PUSL1: variants seen among roughly 807,000 people sequenced by gnomAD.
PUSL1 encodes the protein pseudouridine synthase like 1.
In PUSL1, 51 loss-of-function variants were observed where a neutral mutation model predicts 30.7. The ratio of observed to expected loss-of-function variants is 1.66; its 90% confidence interval spans 1.33 to 2.10. PUSL1 has a LOEUF of 2.10. Ranked by LOEUF, PUSL1 falls within the 30% of genes most tolerant of loss-of-function variation. PUSL1 has a pLI of 0.00. For missense variants in PUSL1, 609 were observed against 427.6 expected, an observed-to-expected ratio of 1.42 and a Z score of -3.74; for synonymous variants, 290 against 192.1, an observed-to-expected ratio of 1.51 and a Z score of -4.21.
Position 1,308,905 on chromosome 1 carries a change from C to T in PUSL1, c.78-10C>T, listed in dbSNP as rs2100523004. 3 of 1,414,150 alleles carry T rather than the reference C, an allele frequency of 2.1e-6. No homozygotes were observed. The highest frequency in any genetic ancestry group is 3.3e-5 in the Admixed American group (1 of 30,376). The allele number at this position is 1,414,150 out of a possible 1,614,324, so 87.6% of individuals were successfully genotyped here. ...CGCCCCCGGTAACCTCCGCCCGCTT[C>T]TGCCCGCAGCGGGGTCGCGGCCGTC... is the stretch of plus-strand genomic sequence containing the variant. On this transcript the variant is annotated splice_polypyrimidine_tract_variant and intron_variant, in intron 1 of 7. Coordinates refer to ENST00000379031, the MANE Select transcript of PUSL1 (RefSeq NM_153339.3).
rs1641897408 is a variant in PUSL1, at chr1:1,308,629, C to T, written c.-15C>T. The T allele has an allele frequency of 2.7e-6, 4 of 1,495,118 alleles. No individual in the cohort carries two copies. The highest frequency in any genetic ancestry group is 2.3e-4 in the Middle Eastern group (1 of 4,316). 92.6% of individuals were successfully genotyped at this position (1,495,118 alleles called of 1,614,324 possible). On this transcript the variant is annotated 5_prime_UTR_variant, in exon 1 of 8. Coordinates refer to ENST00000379031, the MANE Select transcript of PUSL1 (RefSeq NM_153339.3). ...CGCTGGAGGCCGCCTCTGACGCCAC[C>T]GGCTGGGCTCCGCCATGAGTTCGGC...
rs1641970022 is a variant in PUSL1, at chr1:1,309,475, G to A, written c.345G>A (p.Val115=). The change falls in exon 4 of 8, where the codon GTG becomes GTA. Residue 115 remains valine, a synonymous_variant. Transcript: ENST00000379031. ...PAIRVLRAFR[V]PSDFHARHAA... is the part of the protein sequence containing the mutation. Reference sequence around the variant, plus strand: ...ATAGGGTCCTGCGGGCCTTCCGAGTGCCCAGCGACTTCCACGCTCGTCACG... The same window carrying A: ...ATAGGGTCCTGCGGGCCTTCCGAGTACCCAGCGACTTCCACGCTCGTCACG... The A allele has an allele frequency of 6.2e-7, 1 of 1,605,956 alleles. No individual in the cohort carries two copies. The highest frequency in any genetic ancestry group is 8.5e-7 in the Non-Finnish European group (1 of 1,176,872).
In PUSL1 at chr1:1,309,498, A is replaced by C; in HGVS notation, c.368A>C (p.His123Pro). 4 of 1,609,262 alleles carry C rather than the reference A, an allele frequency of 2.5e-6. No individual in the cohort carries two copies. The highest frequency in any genetic ancestry group is 2.5e-6 in the Non-Finnish European group (3 of 1,178,454). Residue 123 changes from histidine (H) to proline (P), a missense_variant, in exon 4 of 8, where the codon CAC becomes CCC. Physicochemically the swap from His to Pro is moderately conservative, Grantham distance 77. Transcript: ENST00000379031. ...GTGCCCAGCGACTTCCACGCTCGTC[A>C]CGCAGCCACGTCCCGGACCTACCTG... is the stretch of plus-strand genomic sequence containing the variant. ...FRVPSDFHAR[H>P]AATSRTYLYR...
Position 1,309,170 on chromosome 1 carries a change from A to C in PUSL1, c.220A>C (p.Asn74His), listed in dbSNP as rs1431652222. The change falls in exon 3 of 8, where the codon AAC becomes CAC. Residue 74 changes from asparagine to histidine, a missense_variant. Coordinates refer to ENST00000379031, the MANE Select transcript of PUSL1 (RefSeq NM_153339.3). ...RTDAGVHALSNAAHLDVQRRS... is the reference protein window; with the variant it reads ...RTDAGVHALSHAAHLDVQRRS... ...GGACGCCGGGGTCCACGCCCTGAGCAACGCGGCGCACCTGGACGTCCAGCG... is the reference window on the plus strand; with the variant it reads ...GGACGCCGGGGTCCACGCCCTGAGCCACGCGGCGCACCTGGACGTCCAGCG... 17 of 1,536,724 alleles carry C rather than the reference A, an allele frequency of 1.1e-5. No individual in the cohort carries two copies. Among genetic ancestry groups the C allele is most frequent in the Non-Finnish European group, 1.4e-5 (16 of 1,149,720 alleles).
chr1:1,311,634 AG>A lies in PUSL1; in HGVS notation c.*257del, dbSNP rs1462028859. 2.5e-5 allele frequency: 18 copies of A among 710,904 alleles called. No individual in the cohort carries two copies. The highest frequency in any genetic ancestry group is 1.4e-4 in the Admixed American group (7 of 49,714). The allele number at this position is 710,904 out of a possible 1,614,324, so 44.0% of individuals were successfully genotyped here. ...CAGCTTTTACTGGAAACTGCTGTCTAGGACCACCTGCCCTAACCAGGAATAA... is the reference window on the plus strand; with the variant it reads ...CAGCTTTTACTGGAAACTGCTGTCTAGACCACCTGCCCTAACCAGGAATAA... On this transcript the variant is annotated 3_prime_UTR_variant, in exon 8 of 8. Coordinates refer to ENST00000379031, the MANE Select transcript of PUSL1 (RefSeq NM_153339.3).
chr1:1,311,106 T>G, intron 7 of PUSL1, 35 bp downstream of exon 7: 1 of 1,571,306 alleles, frequency 6.4e-7, no homozygotes, highest in East Asian at 2.3e-5. Context: ...TCCTGTCATG[T>G]GCCCAGTGAC....
At chr1:1,310,087 A>G (rs1642035844) in intron 5 of PUSL1, 2 of 523,030 alleles carry the variant, frequency 3.8e-6, no homozygotes, top group Admixed American at 3.7e-5. Context: ...AACCCCTGCC[A>G]TGCCTGATGG....
chr1:1,309,217 C>T lies in PUSL1; in HGVS notation c.267C>T (p.Phe89=). The T allele has an allele frequency of 6.6e-7, 1 of 1,522,598 alleles. No individual in the cohort carries two copies. The highest frequency in any genetic ancestry group is 8.7e-7 in the Non-Finnish European group (1 of 1,143,454). 94.3% of individuals were successfully genotyped at this position (1,522,598 alleles called of 1,614,324 possible). ...AGCGCCGCTCAGGCCGGCCGCCCTT[C>T]CCGCCCGAGGTCCTGGCCGAGGCCC... ...DVQRRSGRPP[F]PPEVLAEALN... The change falls in exon 3 of 8, where the codon TTC becomes TTT. Residue 89 remains phenylalanine, a synonymous_variant. Transcript: ENST00000379031.
Position 1,309,484 on chromosome 1 carries a change from C to T in PUSL1, c.354C>T (p.Asp118=). The change falls in exon 4 of 8, where the codon GAC becomes GAT. Residue 118 remains aspartate, a synonymous_variant. Transcript: ENST00000379031. ...RVLRAFRVPS[D]FHARHAATSR... ...TGCGGGCCTTCCGAGTGCCCAGCGA[C>T]TTCCACGCTCGTCACGCAGCCACGT... is the stretch of plus-strand genomic sequence containing the variant. 6.2e-7 allele frequency: 1 copy of T among 1,607,806 alleles called. No individual in the cohort carries two copies. Among genetic ancestry groups the T allele is most frequent in the Non-Finnish European group, 8.5e-7 (1 of 1,177,706 alleles).
chr1:1,310,500 C>A (rs376979304), intron 5 of PUSL1, 134 bp from the exon 6 acceptor site: 2 of 712,800 alleles, frequency 2.8e-6, no homozygotes. Context: ...TCAGCCAGGG[C>A]CCCTGGTGGC....
chr1:1,309,381 G>A (rs1235583659), intron 3 of PUSL1, 73 bp from the exon 4 acceptor site: 4 of 1,499,518 alleles, frequency 2.7e-6, no homozygotes, highest in African/African-American at 1.4e-5. Flanking sequence ...GGAGCTCGAG[G>A]GGGAAGGAGA....
chr1:1,309,365 CTG>C (rs1641960447), intron 3 of PUSL1, 87 bp from the exon 4 acceptor site: 6 of 1,477,122 alleles, frequency 4.1e-6, no homozygotes, highest in Non-Finnish European at 5.4e-6. Context: ...ACTTCCTTGT[CTG>C]GTCGGAGCTC....
Position 1,311,609 on chromosome 1 carries a change from C to A in PUSL1, c.*230C>A. On this transcript the variant is annotated 3_prime_UTR_variant, in exon 8 of 8. Transcript: ENST00000379031. ...AGAGAGTACCAAGTAGTCTTTTGTTCAGCTTTTACTGGAAACTGCTGTCTA... is the reference window on the plus strand; with the variant it reads ...AGAGAGTACCAAGTAGTCTTTTGTTAAGCTTTTACTGGAAACTGCTGTCTA... 1 of 716,514 alleles carries A rather than the reference C, an allele frequency of 1.4e-6. No homozygotes were observed. Among genetic ancestry groups the A allele is most frequent in the Non-Finnish European group, 2.5e-6 (1 of 398,648 alleles). 44.4% of individuals were successfully genotyped at this position (716,514 alleles called of 1,614,324 possible).
rs1186412819 is a variant in PUSL1 at position 1,311,595 on chromosome 1, A to G, written c.*216A>G. 1.3e-5 allele frequency: 9 copies of G among 718,436 alleles called. No homozygotes were observed. Among genetic ancestry groups the G allele is most frequent in the Non-Finnish European group, 2.2e-5 (9 of 400,292 alleles). The allele number at this position is 718,436 out of a possible 1,614,324, so 44.5% of individuals were successfully genotyped here. A position where few individuals can be genotyped will look rare whatever the true frequency, so the allele number is the denominator to read the frequency against. On this transcript the variant is annotated 3_prime_UTR_variant, in exon 8 of 8. Coordinates refer to ENST00000379031, the MANE Select transcript of PUSL1 (RefSeq NM_153339.3). Reference sequence around the variant, plus strand: ...CATGTACACCAAGAAGAGAGTACCAAGTAGTCTTTTGTTCAGCTTTTACTG... The same window carrying G: ...CATGTACACCAAGAAGAGAGTACCAGGTAGTCTTTTGTTCAGCTTTTACTG...
rs746598934 is a variant in PUSL1 at position 1,311,350 on chromosome 1, C to G, written c.883C>G (p.Gln295Glu). 7.5e-6 allele frequency: 12 copies of G among 1,592,662 alleles called. No homozygotes were observed. The highest frequency in any genetic ancestry group is 9.4e-6 in the Non-Finnish European group (11 of 1,167,850). ...CACAGGTGCTGCCTCCTGCACCCTGCAGGGGCCACAGTTCGGGAGCCACGG... is the reference window on the plus strand; with the variant it reads ...CACAGGTGCTGCCTCCTGCACCCTGGAGGGGCCACAGTTCGGGAGCCACGG... ...GNLGAASCTL[Q>E]GPQFGSHG is the part of the protein sequence containing the mutation. The change falls in exon 8 of 8, where the codon CAG (glutamine) becomes GAG (glutamate). Residue 295 changes from glutamine (Q) to glutamate (E), a missense_variant. By Grantham distance (29) the Gln-to-Glu change is conservative. Transcript: ENST00000379031.
Position 1,311,090 on chromosome 1 carries a change from A to C in PUSL1, c.862+19A>C, listed in dbSNP as rs770815928. On this transcript the variant is annotated intron_variant, in intron 7 of 7. Transcript: ENST00000379031. Reference sequence around the variant, plus strand: ...AACCTCGGTAAGAAAAACAGGCACGAGAAGCTCCTGTCATGTGCCCAGTGA... The same window carrying C: ...AACCTCGGTAAGAAAAACAGGCACGCGAAGCTCCTGTCATGTGCCCAGTGA... 2 of 1,585,648 alleles carry C rather than the reference A, an allele frequency of 1.3e-6. No homozygotes were observed. The highest frequency in any genetic ancestry group is 2.2e-5 in the East Asian group (1 of 44,446).
chr1:1,309,875 G>A (rs767984990), intron 5 of PUSL1, 24 bp downstream of exon 5: 40 of 1,465,958 alleles, frequency 2.7e-5, no homozygotes, highest in Non-Finnish European at 3.6e-5. Flanking sequence ...CCTGGGCTGT[G>A]GCCCTGCCCT....
rs957753658 is a variant in PUSL1 at position 1,309,253 on chromosome 1, C to G, written c.303C>G (p.His101Gln). ...PEVLAEALNT[H>Q]LRHPAIRVLR... ...TCCTGGCCGAGGCCCTCAACACACA[C>G]CTGCGGCACCCGGCCATCAGGTGAG... The change falls in exon 3 of 8, where the codon CAC becomes CAG. Residue 101 changes from histidine to glutamine, a missense_variant. Coordinates refer to ENST00000379031, the MANE Select transcript of PUSL1 (RefSeq NM_153339.3). 3 of 1,492,408 alleles carry G rather than the reference C, an allele frequency of 2.0e-6. No homozygotes were observed. Among genetic ancestry groups the G allele is most frequent in the Non-Finnish European group, 2.7e-6 (3 of 1,125,764 alleles). 92.4% of individuals were successfully genotyped at this position (1,492,408 alleles called of 1,614,324 possible).
chr1:1,310,658 G>GT lies in PUSL1; in HGVS notation c.672dup (p.Glu225Ter). 1 of 1,585,420 alleles carries GT rather than the reference G, an allele frequency of 6.3e-7. No individual in the cohort carries two copies. Among genetic ancestry groups the GT allele is most frequent in the Non-Finnish European group, 8.6e-7 (1 of 1,161,962 alleles). The stretch of plus-strand genomic sequence containing the variant: ...GGAAGCTGCGGTTCTGGAACCTGGA[G>GT]TTTGAGAGCCAGTCTTTCCTGTATA... On this transcript the variant is annotated frameshift_variant, in exon 6 of 8. Transcript: ENST00000379031. LOFTEE classifies it high-confidence loss of function.
Sources: gnomAD v4.1 joint callset for allele counts on GRCh38, gnomAD v4.1.1 for gene constraint, MANE v1.5 for transcripts, NCBI Gene and HGNC (gene_info 2026-07-23, HGNC 2026-07-21) for gene names.